The following TENM2 variants were observed in gnomAD, a reference collection of about 807,000 sequenced individuals.
TENM2 encodes the protein teneurin transmembrane protein 2, also known as teneurin-2.
TENM2 carries 52 observed loss-of-function variants against 245.2 expected under a neutral mutation model. That is an observed-to-expected ratio of 0.21 (90% CI 0.17 to 0.27). The LOEUF (loss-of-function observed/expected upper bound fraction) is 0.27. Among genes scored for constraint, TENM2 ranks in the 10% least tolerant of loss-of-function variants. The probability of loss-of-function intolerance (pLI) is 1.00; values close to 1 mark genes in which losing one functional copy is unlikely to be tolerated. For synonymous variants in TENM2, 1,363 were observed against 1,438.9 expected (o/e 0.95, Z 1.19); for missense variants, 3,046 against 3,666.8 (o/e 0.83, Z 4.37).
chr5:168,239,955 T>C (rs1765937058), intron 25 of TENM2, among the ~76,000 whole-genome samples: 1 of 152,150 alleles, frequency 6.6e-6, no homozygotes, highest in African/African-American at 2.4e-5. Flanking sequence ...CGGTGGCTCA[T>C]GTCTGTAATA....
intron 2 of TENM2, among the ~76,000 whole-genome samples, chr5:167,872,296 TA>T (rs1440883069): frequency 9.6e-6 from 1 of 104,528 alleles, no homozygotes; most frequent in Non-Finnish European, 1.8e-5. Context: ...AAGAGAAAGA[TA>T]GAAAGAAAGA....
chr5:167,190,441 T>G, the TENM2 span, among the ~76,000 whole-genome samples: 1 of 151,942 alleles, frequency 6.6e-6, no homozygotes, highest in Non-Finnish European at 1.5e-5. Context: ...AGAGAGAAAT[T>G]AGATTGGTGG....
intron 3 of TENM2, among the ~76,000 whole-genome samples, chr5:167,912,922 CA>C (rs777551774): frequency 2.6e-5 from 4 of 152,002 alleles, no homozygotes; most frequent in Non-Finnish European, 5.9e-5. Context: ...TGGGCAAAGG[CA>C]AGGAAAGGAG....
intron 4 of TENM2, among the ~76,000 whole-genome samples, chr5:167,989,197 A>G (rs1215549311): frequency 2.6e-5 from 4 of 152,110 alleles, no homozygotes; most frequent in Admixed American, 2.0e-4. Flanking sequence ...ACACCAGGAT[A>G]TAACTGTATC....
At chr5:167,804,117 A>T (rs1765977035) in intron 2 of TENM2, among the ~76,000 whole-genome samples, 1 of 152,124 alleles carries the variant, frequency 6.6e-6, no homozygotes. Flanking sequence ...ATGAAATTCG[A>T]AGCATTTCTA....
chr5:167,227,020 T>C, the TENM2 span, among the ~76,000 whole-genome samples: 1 of 151,948 alleles, frequency 6.6e-6, no homozygotes. Context: ...GTATAGCTGC[T>C]CTTGCTGTCT....
intron 2 of TENM2, among the ~76,000 whole-genome samples, chr5:167,706,498 G>A (rs888284258): frequency 4.6e-5 from 7 of 151,158 alleles, no homozygotes; most frequent in Non-Finnish European, 1.0e-4. Context: ...TTCATCTGTC[G>A]TGGACATTTA....
intron 1 of TENM2, among the ~76,000 whole-genome samples, chr5:167,334,115 T>A (rs773174064): frequency 2.0e-5 from 3 of 152,186 alleles, no homozygotes; most frequent in Non-Finnish European, 4.4e-5. Context: ...TATTTATTGT[T>A]CCACCATACC....
intron 7 of TENM2, among the ~76,000 whole-genome samples, chr5:168,076,426 A>G (rs1791485191): frequency 6.6e-6 from 1 of 151,666 alleles, no homozygotes; most frequent in African/African-American, 2.4e-5. Context: ...GGGTTTCACA[A>G]TGTTGGCCAG....
intron 4 of TENM2, among the ~76,000 whole-genome samples, chr5:167,971,463 G>A (rs1156282743): frequency 5.3e-5 from 8 of 152,144 alleles, no homozygotes; most frequent in Admixed American, 5.2e-4. Flanking sequence ...AACTTTGGGA[G>A]GCCGAGGCAG....
the TENM2 span, among the ~76,000 whole-genome samples, chr5:167,011,087 G>C: frequency 6.6e-6 from 1 of 152,160 alleles, no homozygotes; most frequent in Non-Finnish European, 1.5e-5. Context: ...CTGGAGTTTA[G>C]GACATATTGA....
intron 4 of TENM2, among the ~76,000 whole-genome samples, chr5:167,989,268 AAGAGAGAGAGAGAGAG>A (rs10617322): frequency 6.9e-6 from 1 of 144,948 alleles, no homozygotes; most frequent in Admixed American, 6.9e-5. Flanking sequence ...AAGATAGAGA[AAGAGAGAGAGAGAGAG>A]AGAGAGAGAG....
chr5:168,190,576 TG>T, intron 14 of TENM2, 29 bp downstream of exon 16: 1 of 1,584,496 alleles, frequency 6.3e-7, no homozygotes, highest in Non-Finnish European at 8.6e-7. Context: ...TGCAAACTCC[TG>T]AAGTCTCTGA....
At position 168,172,046 on chromosome 5, in the gene TENM2, C is replaced by T. The variant is rs564128298; in HGVS notation, c.2569+9289C>T. On this transcript the variant is annotated intron_variant, in intron 13 of 28. Coordinates refer to ENST00000518659, the Ensembl canonical transcript of TENM2. ...CAAGTCCAGACCAGTGGTTCCCTACCGGGGCAACTCGCTCACCCAGGAACA... is the reference window on the plus strand; with the variant it reads ...CAAGTCCAGACCAGTGGTTCCCTACTGGGGCAACTCGCTCACCCAGGAACA... Among the ~76,000 whole-genome samples, 624 of 152,304 alleles carry T rather than the reference C, an allele frequency of 4.1e-3. 3 individuals are homozygous for T. The highest frequency in any genetic ancestry group is 0.014 in the African/African-American group (599 of 41,570).
chr5:167,884,988 G>T (rs1237016820), intron 3 of TENM2, among the ~76,000 whole-genome samples: 1 of 152,044 alleles, frequency 6.6e-6, no homozygotes, highest in Non-Finnish European at 1.5e-5. Context: ...GTTTTGATTT[G>T]CATTTCTCTA....
At chr5:167,461,730 A>T (rs1183749525) in intron 2 of TENM2, among the ~76,000 whole-genome samples, 2 of 152,206 alleles carry the variant, frequency 1.3e-5, no homozygotes, top group Non-Finnish European at 2.9e-5. Context: ...CAAATAAATA[A>T]ACATATGGCA....
At chr5:167,145,665 G>A in the TENM2 span, among the ~76,000 whole-genome samples, 28 of 152,198 alleles carry the variant, frequency 1.8e-4, no homozygotes, top group Non-Finnish European at 3.2e-4. Flanking sequence ...TCGTTGCAGC[G>A]CCCCATATTA....
At chr5:167,270,744 G>A in the TENM2 span, among the ~76,000 whole-genome samples, 1 of 152,158 alleles carries the variant, frequency 6.6e-6, no homozygotes, top group East Asian at 1.9e-4. Context: ...AATGCTCTAA[G>A]ACTGCCGTTT....
At chr5:167,738,159 CAG>C (rs1316475242) in intron 2 of TENM2, among the ~76,000 whole-genome samples, 1 of 152,220 alleles carries the variant, frequency 6.6e-6, no homozygotes, top group East Asian at 1.9e-4. Flanking sequence ...AGTCATAACT[CAG>C]AAGACAGGAT....
Sources: allele counts gnomAD v4.1 joint callset (sites outside exome capture counted in the v4.1 genomes callset), GRCh38; gene constraint gnomAD v4.1.1; transcripts MANE v1.5; gene names NCBI Gene and HGNC (gene_info 2026-07-23, HGNC 2026-07-21).